FGGY: variants seen among roughly 807,000 people sequenced by gnomAD.
FGGY encodes the protein FGGY carbohydrate kinase domain-containing protein.
FGGY carries 72 observed loss-of-function variants against 71.3 expected under a neutral mutation model. That is an observed-to-expected ratio of 1.01 (90% confidence interval 0.84 to 1.23). The LOEUF (loss-of-function observed/expected upper bound fraction) is 1.23, where lower values mean the gene tolerates loss of function less well. Ranked by LOEUF, FGGY falls within the 50% of genes most tolerant of loss-of-function variation. The probability of loss-of-function intolerance (pLI) is 0.00; values close to 1 mark genes in which losing one functional copy is unlikely to be tolerated. For synonymous variants in FGGY, 251 were observed against 250.3 expected (o/e 1.00, Z -0.02); for missense variants, 668 against 682.3 (o/e 0.98, Z 0.23).
intron 5 of FGGY, among the ~76,000 whole-genome samples, chr1:59,400,922 G>A (rs2061881209): frequency 1.3e-5 from 2 of 152,114 alleles, no homozygotes; most frequent in South Asian, 2.1e-4. Flanking sequence ...AAAGGCATGA[G>A]CCACCATGCT....
chr1:59,762,663 C>G lies in FGGY; in HGVS notation c.*79C>G. 9.7e-7 allele frequency: 1 copy of G among 1,029,704 alleles called. No homozygotes were observed. The highest frequency in any genetic ancestry group is 1.5e-6 in the Non-Finnish European group (1 of 677,752). 63.8% of individuals were successfully genotyped at this position (1,029,704 alleles called of 1,614,324 possible). On this transcript the variant is annotated 3_prime_UTR_variant, in exon 16 of 16. Transcript: ENST00000303721. ...TTGTCATTTGATCCATGTTCAAGAC[C>G]CTTGAGGTATTGTTTCATCATTTCT...
rs140270013 is a variant in FGGY at position 59,584,886 on chromosome 1, G to A, written c.904-22917G>A. The stretch of plus-strand genomic sequence containing the variant: ...TCTTATACACCAGTACAGACAAAGA[G>A]AGAGCCAAATCTTGAGTGAACTCCC... On this transcript the variant is annotated intron_variant, in intron 8 of 15. Coordinates refer to ENST00000303721, the MANE Select transcript of FGGY (RefSeq NM_018291.5). Among the ~76,000 whole-genome samples the A allele has an allele frequency of 1.3e-3, 191 of 146,250 alleles. 12 individuals carry two copies. Among genetic ancestry groups the A allele is most frequent in the African/African-American group, 5.0e-3 (184 of 37,134 alleles).
intron 6 of FGGY, among the ~76,000 whole-genome samples, chr1:59,491,033 C>T (rs1234611990): frequency 7.7e-5 from 1 of 12,904 alleles, no homozygotes; most frequent in Non-Finnish European, 1.8e-4. Flanking sequence ...CCTTTCCTTT[C>T]CTTTCCTTCC....
At chr1:59,330,895 G>C (rs1325712374) in intron 2 of FGGY, among the ~76,000 whole-genome samples, 1 of 152,088 alleles carries the variant, frequency 6.6e-6, no homozygotes, top group Non-Finnish European at 1.5e-5. Context: ...AACAGATTCA[G>C]AATGGCTGGC....
intron 2 of FGGY, among the ~76,000 whole-genome samples, chr1:59,335,956 T>C (rs1329980505): frequency 1.3e-5 from 2 of 152,178 alleles, no homozygotes. Flanking sequence ...TAGCTTGTCT[T>C]TTCGTTTTCT....
chr1:59,531,074 A>G lies in FGGY; in HGVS notation c.799+18635A>G, dbSNP rs368338374. The stretch of plus-strand genomic sequence containing the variant: ...TGCATGGGCTTAAAGTGCTACATAT[A>G]TAGCTCTCTGAAGCAAGAGTGCACT... On this transcript the variant is annotated intron_variant, in intron 7 of 15. Transcript: ENST00000303721. Among the ~76,000 whole-genome samples the G allele has an allele frequency of 1.1e-4, 17 of 152,350 alleles. 1 individual carries two copies. The highest frequency in any genetic ancestry group is 4.1e-4 in the African/African-American group (17 of 41,580).
At chr1:59,760,947 A>C (rs1011255825) in intron 15 of FGGY, among the ~76,000 whole-genome samples, 2 of 152,230 alleles carry the variant, frequency 1.3e-5, no homozygotes, top group African/African-American at 2.4e-5. Flanking sequence ...ACAACTAATA[A>C]ATTTGGATGC....
chr1:59,601,456 G>T (rs1329901324), intron 8 of FGGY, among the ~76,000 whole-genome samples: 1 of 152,204 alleles, frequency 6.6e-6, no homozygotes, highest in East Asian at 1.9e-4. Context: ...GACAAAAAGA[G>T]AGGCAGGAGC....
intron 7 of FGGY, among the ~76,000 whole-genome samples, chr1:59,522,719 G>T (rs190339723): frequency 1.3e-5 from 2 of 152,254 alleles, no homozygotes; most frequent in African/African-American, 4.8e-5. Flanking sequence ...TACCTCCCAC[G>T]AATGGTTGGG....
chr1:59,402,584 T>C (rs1018268664), intron 5 of FGGY, among the ~76,000 whole-genome samples: 1 of 152,260 alleles, frequency 6.6e-6, no homozygotes, highest in African/African-American at 2.4e-5. Context: ...GATACAGCTA[T>C]ATAAAAGAGT....
intron 14 of FGGY, among the ~76,000 whole-genome samples, chr1:59,674,667 T>A (rs749986135): frequency 1.3e-5 from 2 of 152,216 alleles, no homozygotes. Flanking sequence ...CAGAGCTTCC[T>A]GGCAGGCAAG....
intron 6 of FGGY, among the ~76,000 whole-genome samples, chr1:59,472,499 C>T (rs1191280414): frequency 1.3e-5 from 2 of 152,258 alleles, no homozygotes; most frequent in Non-Finnish European, 2.9e-5. Context: ...CAGGCAGCTC[C>T]ACCTGCAGCC....
chr1:59,715,121 G>T (rs182423401), intron 14 of FGGY, among the ~76,000 whole-genome samples: 8 of 152,242 alleles, frequency 5.3e-5, no homozygotes, highest in African/African-American at 1.9e-4. Flanking sequence ...GAACTTGCTG[G>T]GTTTGTTAAG....
intron 11 of FGGY, among the ~76,000 whole-genome samples, chr1:59,657,460 G>A: frequency 6.6e-6 from 1 of 152,342 alleles, no homozygotes; most frequent in East Asian, 1.9e-4. Context: ...AGGAGAGACA[G>A]AGAAACCGTG....
chr1:59,554,003 GGAC>G, intron 7 of FGGY, 118 bp from the exon 8 acceptor site: 1 of 765,276 alleles, frequency 1.3e-6, no homozygotes, highest in Non-Finnish European at 2.1e-6. Flanking sequence ...CCTACACACA[GGAC>G]CCTTCCTCCA....
chr1:59,745,909 T>C (rs1483833480), intron 14 of FGGY, among the ~76,000 whole-genome samples: 1 of 152,198 alleles, frequency 6.6e-6, no homozygotes, highest in Non-Finnish European at 1.5e-5. Context: ...GGCAATGGAA[T>C]TCAGAAAGTG....
chr1:59,585,543 G>T (rs1169736513), intron 8 of FGGY, among the ~76,000 whole-genome samples: 6 of 152,186 alleles, frequency 3.9e-5, no homozygotes, highest in Non-Finnish European at 7.3e-5. Context: ...AGACTTAAAT[G>T]TTAGACCTGA....
At position 59,438,186 on chromosome 1, in the gene FGGY, A is replaced by G. The variant is rs964228588; in HGVS notation, c.555-18775A>G. 1.2e-4 allele frequency among the ~76,000 whole-genome samples: 19 copies of G among 152,210 alleles called. 1 individual carries two copies. The highest frequency in any genetic ancestry group is 1.2e-3 in the Admixed American group (19 of 15,282). The stretch of plus-strand genomic sequence containing the variant: ...TTACCACCATTGTAGATGTGAGAAC[A>G]TGGAGAGTTTCAGAGAGTTGCCCAA... On this transcript the variant is annotated intron_variant, in intron 5 of 15. Transcript: ENST00000303721.
At chr1:59,362,716 A>C (rs1482140315) in intron 4 of FGGY, among the ~76,000 whole-genome samples, 1 of 152,158 alleles carries the variant, frequency 6.6e-6, no homozygotes, top group African/African-American at 2.4e-5. Context: ...TGTCTCCTTC[A>C]TGATCATACA....
Sources: gnomAD v4.1 joint callset for allele counts (sites outside exome capture counted in the v4.1 genomes callset) on GRCh38, gnomAD v4.1.1 for gene constraint, MANE v1.5 for transcripts, NCBI Gene and HGNC (gene_info 2026-07-23, HGNC 2026-07-21) for gene names.